Variants in FGF12 observed in about 807,000 individuals in gnomAD.
FGF12 encodes the protein fibroblast growth factor 12, also known as fibroblast growth factor 12B.
In FGF12, 14 loss-of-function variants were observed where a neutral mutation model predicts 23.6. That is an observed-to-expected ratio of 0.59 (90% confidence interval 0.39 to 0.93). The LOEUF is 0.93. Among genes scored for constraint, FGF12 ranks in the 40% least tolerant of loss-of-function variants. The pLI is 0.00. For synonymous variants in FGF12, 62 were observed against 77.3 expected (o/e 0.80, Z 1.04); for missense variants, 175 against 217.8 (o/e 0.80, Z 1.24).
At chr3:192,633,358 A>G (rs547295997) in intron 2 of FGF12, among the ~76,000 whole-genome samples, 30 of 152,096 alleles carry the variant, frequency 2.0e-4, no homozygotes, top group African/African-American at 6.7e-4. Flanking sequence ...TCCTCGTCTT[A>G]TCAATCATTG....
chr3:192,159,509 G>C (rs985905956), intron 5 of FGF12, among the ~76,000 whole-genome samples: 4 of 152,158 alleles, frequency 2.6e-5, no homozygotes, highest in African/African-American at 9.7e-5. Context: ...TCTTAGCAGT[G>C]TGAAGAAACT....
chr3:192,589,122 G>A (rs1713515342), intron 2 of FGF12, among the ~76,000 whole-genome samples: 1 of 151,796 alleles, frequency 6.6e-6, no homozygotes, highest in South Asian at 2.1e-4. Context: ...GGATCACAAG[G>A]TCAAGAGATG....
intron 2 of FGF12, among the ~76,000 whole-genome samples, chr3:192,376,288 C>T (rs1719494570): frequency 6.6e-6 from 1 of 151,628 alleles, no homozygotes; most frequent in Admixed American, 6.6e-5. Context: ...TTTGAACACA[C>T]ACATAAACTT....
At chr3:192,155,942 A>G (rs1463867877) in intron 5 of FGF12, among the ~76,000 whole-genome samples, 1 of 152,224 alleles carries the variant, frequency 6.6e-6, no homozygotes, top group East Asian at 1.9e-4. Context: ...CTTGATTTGT[A>G]GTAGCTCGAA....
intron 2 of FGF12, among the ~76,000 whole-genome samples, chr3:192,390,993 T>C (rs1211150217): frequency 2.6e-5 from 4 of 152,100 alleles, no homozygotes; most frequent in African/African-American, 7.2e-5. Flanking sequence ...TAGCACGTAG[T>C]TGAAAATTTG....
intron 4 of FGF12, among the ~76,000 whole-genome samples, chr3:192,259,952 G>A (rs1018349458): frequency 6.6e-6 from 1 of 152,076 alleles, no homozygotes; most frequent in Non-Finnish European, 1.5e-5. Flanking sequence ...GTCTCTAATG[G>A]TTGAATGTCT....
At chr3:192,622,109 G>C (rs1343935913) in intron 2 of FGF12, among the ~76,000 whole-genome samples, 1 of 152,146 alleles carries the variant, frequency 6.6e-6, no homozygotes. Flanking sequence ...AATACGCACA[G>C]CATGGCTTCT....
chr3:192,539,302 A>G (rs1725307026), intron 2 of FGF12, among the ~76,000 whole-genome samples: 1 of 152,062 alleles, frequency 6.6e-6, no homozygotes, highest in African/African-American at 2.4e-5. Context: ...TATTGTGTTG[A>G]TGTATGTTTC....
At chr3:192,246,823 C>CAA (rs749598472) in intron 4 of FGF12, among the ~76,000 whole-genome samples, 8 of 48,778 alleles carry the variant, frequency 1.6e-4, no homozygotes, top group Admixed American at 2.5e-4. Flanking sequence ...GAAACTCCGT[C>CAA]AAAAAAAAAA....
chr3:192,443,020 G>C (rs921709441), intron 2 of FGF12, among the ~76,000 whole-genome samples: 1 of 152,038 alleles, frequency 6.6e-6, no homozygotes, highest in Non-Finnish European at 1.5e-5. Flanking sequence ...TCTTGGCCAG[G>C]CTGGTCTTGA....
chr3:192,336,284 G>A lies in FGF12; in HGVS notation c.125-820C>T, dbSNP rs1717412848. On this transcript the variant is annotated intron_variant, in intron 3 of 5. Transcript: ENST00000445105. This position sits in a 1 kb window ranked among gnomAD's most constrained non-coding sequence, Gnocchi z 4.3. ...AAGATGAAATGGAAACATGCTTGCAGTCTTTACATATTCGAGTTGCTCATC... is the reference window on the plus strand; with the variant it reads ...AAGATGAAATGGAAACATGCTTGCAATCTTTACATATTCGAGTTGCTCATC... 6.6e-6 allele frequency among the ~76,000 whole-genome samples: 1 copy of A among 151,880 alleles called. No homozygotes were observed.
At chr3:192,578,972 G>A (rs182519785) in intron 2 of FGF12, among the ~76,000 whole-genome samples, 56 of 152,184 alleles carry the variant, frequency 3.7e-4, no homozygotes, top group East Asian at 1.2e-3. Context: ...GACCTCCCAC[G>A]CTGCCTTGGT....
intron 4 of FGF12, among the ~76,000 whole-genome samples, chr3:192,212,726 T>C (rs926230035): frequency 6.7e-6 from 1 of 150,176 alleles, no homozygotes; most frequent in Non-Finnish European, 1.5e-5. Context: ...CCTCATTTTG[T>C]GGCATCCTGG....
chr3:192,679,819 C>A (rs1486036412), intron 2 of FGF12, among the ~76,000 whole-genome samples: 1 of 152,076 alleles, frequency 6.6e-6, no homozygotes, highest in Non-Finnish European at 1.5e-5. Flanking sequence ...ATCAAGGGAG[C>A]CAGCTAACCA....
intron 2 of FGF12, among the ~76,000 whole-genome samples, chr3:192,435,483 T>C (rs1721988621): frequency 6.6e-6 from 1 of 152,178 alleles, no homozygotes; most frequent in South Asian, 2.1e-4. Context: ...TGTCCTGAAC[T>C]TGCAAGTTTC....
intron 2 of FGF12, among the ~76,000 whole-genome samples, chr3:192,491,134 A>G (rs1723789732): frequency 6.6e-6 from 1 of 152,136 alleles, no homozygotes; most frequent in African/African-American, 2.4e-5. Context: ...TTCCTTCTTC[A>G]CTTCTATTTA....
intron 4 of FGF12, among the ~76,000 whole-genome samples, chr3:192,319,393 T>TC (rs1716409190): frequency 6.6e-6 from 1 of 151,994 alleles, no homozygotes; most frequent in African/African-American, 2.4e-5. Context: ...GGTCAGGAGT[T>TC]CAAGACCATC....
chr3:192,215,918 C>T (rs1227304092), intron 4 of FGF12, among the ~76,000 whole-genome samples: 1 of 152,182 alleles, frequency 6.6e-6, no homozygotes, highest in Non-Finnish European at 1.5e-5. Flanking sequence ...TCCTTCTTCA[C>T]TTTGCTGCCC....
chr3:192,282,502 TG>T (rs1161926563), intron 4 of FGF12, among the ~76,000 whole-genome samples: 1 of 151,974 alleles, frequency 6.6e-6, no homozygotes, highest in African/African-American at 2.4e-5. Context: ...CTTTAAGGAG[TG>T]GCTAAGTGTA....
Sources: allele counts gnomAD v4.1 joint callset (sites outside exome capture counted in the v4.1 genomes callset), GRCh38; gene constraint gnomAD v4.1.1; non-coding constraint Gnocchi (gnomAD v3.1); transcripts MANE v1.5; gene names NCBI Gene and HGNC (gene_info 2026-07-23, HGNC 2026-07-21).